ATXN2: variants seen among roughly 807,000 people sequenced by gnomAD.
ATXN2 encodes the protein ataxin-2.
Under a neutral mutation model 138.6 loss-of-function variants are expected in ATXN2, and 37 were observed. That is an observed-to-expected ratio of 0.27 (90% CI 0.21 to 0.35). The LOEUF (loss-of-function observed/expected upper bound fraction) is 0.35. ATXN2 is among the 10% of genes least tolerant of loss of function. ATXN2 has a pLI of 1.00. For synonymous variants in ATXN2, 549 were observed against 543.7 expected (o/e 1.01, Z -0.13); for missense variants, 1,216 against 1,480.3 (o/e 0.82, Z 2.93).
intron 1 of ATXN2, among the ~76,000 whole-genome samples, chr12:111,568,784 G>C (rs1883158506): frequency 6.6e-6 from 1 of 152,132 alleles, no homozygotes; most frequent in Non-Finnish European, 1.5e-5. Context: ...CTAAAATCTA[G>C]AAATCAAGTT....
intron 14 of ATXN2, among the ~76,000 whole-genome samples, chr12:111,501,986 G>T (rs966331969): frequency 6.6e-6 from 1 of 151,896 alleles, no homozygotes; most frequent in African/African-American, 2.4e-5. Flanking sequence ...CCATCTCCCA[G>T]GCTCAAGTGA....
At chr12:111,538,112 A>G (rs1881294347) in intron 5 of ATXN2, among the ~76,000 whole-genome samples, 1 of 152,100 alleles carries the variant, frequency 6.6e-6, no homozygotes, top group Non-Finnish European at 1.5e-5. Context: ...GAAGAAAAAA[A>G]AAAACCTAAT....
At chr12:111,521,433 T>C (rs1202286682) in intron 6 of ATXN2, among the ~76,000 whole-genome samples, 1 of 152,166 alleles carries the variant, frequency 6.6e-6, no homozygotes, top group East Asian at 1.9e-4. Context: ...ATACTTCCAA[T>C]GTTTGGGAGA....
At chr12:111,532,054 T>C (rs1384436864) in intron 5 of ATXN2, among the ~76,000 whole-genome samples, 1 of 152,156 alleles carries the variant, frequency 6.6e-6, no homozygotes, top group Admixed American at 6.5e-5. Context: ...GTGATGAACA[T>C]ACATAATAAT....
intron 14 of ATXN2, among the ~76,000 whole-genome samples, chr12:111,506,234 C>A (rs572966826): frequency 7.9e-5 from 12 of 152,254 alleles, no homozygotes; most frequent in Non-Finnish European, 1.8e-4. Context: ...TGTGGAACGA[C>A]TGCTAAACTG....
chr12:111,466,704 G>A (rs1876051539), intron 20 of ATXN2, among the ~76,000 whole-genome samples: 1 of 152,084 alleles, frequency 6.6e-6, no homozygotes, highest in Admixed American at 6.5e-5. Flanking sequence ...GTCATTAGTG[G>A]TCCTATGTTT....
At chr12:111,471,453 C>T (rs1456445668) in intron 18 of ATXN2, 2 of 152,272 alleles carry the variant, frequency 1.3e-5, no homozygotes, top group African/African-American at 4.8e-5. Context: ...TCTTTCCTCA[C>T]ACATTTCTTA....
At chr12:111,536,042 T>C (rs1002468065) in intron 5 of ATXN2, among the ~76,000 whole-genome samples, 3 of 149,306 alleles carry the variant, frequency 2.0e-5, no homozygotes, top group African/African-American at 7.4e-5. Flanking sequence ...AGAGATAAGG[T>C]TGAAAAAGAG....
chr12:111,523,062 C>T, intron 6 of ATXN2, among the ~76,000 whole-genome samples: 1 of 151,626 alleles, frequency 6.6e-6, no homozygotes, highest in South Asian at 2.1e-4. Context: ...AGGTGGATCA[C>T]GAGTTCAGGA....
At chr12:111,558,952 T>TAA (rs11439568) in intron 1 of ATXN2, among the ~76,000 whole-genome samples, 14,424 of 141,318 alleles carry the variant, frequency 0.1, 2,367 homozygotes, top group African/African-American at 0.34. Flanking sequence ...CAATTTCCCT[T>TAA]AAAAAAAAAA....
intron 15 of ATXN2, 60 bp downstream of exon 15, chr12:111,488,416 C>A (rs1877780777): frequency 6.6e-7 from 1 of 1,513,850 alleles, no homozygotes; most frequent in East Asian, 2.3e-5. Context: ...GACCTAAATG[C>A]CTTTAAAAAA....
chr12:111,550,188 G>A (rs1214480523), intron 5 of ATXN2, among the ~76,000 whole-genome samples: 2 of 152,068 alleles, frequency 1.3e-5, no homozygotes, highest in East Asian at 1.9e-4. Flanking sequence ...CCCCTTATGA[G>A]TAGAGTGAGA....
At chr12:111,526,445 C>T (rs1880512965) in intron 5 of ATXN2, among the ~76,000 whole-genome samples, 1 of 151,026 alleles carries the variant, frequency 6.6e-6, no homozygotes, top group South Asian at 2.1e-4. Context: ...TGCTCTTTCA[C>T]CCAGACCGGA....
At chr12:111,548,935 C>T (rs596831) in intron 5 of ATXN2, among the ~76,000 whole-genome samples, 13 of 151,914 alleles carry the variant, frequency 8.6e-5, no homozygotes, top group African/African-American at 3.1e-4. Context: ...GTTGGCCAGG[C>T]TGGTCTCGAA....
chr12:111,508,885 T>G (rs1186965715), intron 14 of ATXN2, among the ~76,000 whole-genome samples: 1 of 152,236 alleles, frequency 6.6e-6, no homozygotes, highest in Non-Finnish European at 1.5e-5. Context: ...TTTAGAAAGC[T>G]AAAACACAGG....
At chr12:111,506,492 G>A (rs1879119023) in intron 14 of ATXN2, among the ~76,000 whole-genome samples, 2 of 152,084 alleles carry the variant, frequency 1.3e-5, no homozygotes, top group African/African-American at 4.8e-5. Flanking sequence ...AAGTAGAAAT[G>A]TTTTTTCTTC....
chr12:111,504,976 C>A (rs1879012835), intron 14 of ATXN2, among the ~76,000 whole-genome samples: 1 of 152,146 alleles, frequency 6.6e-6, no homozygotes, highest in Non-Finnish European at 1.5e-5. Context: ...AGCAATTTTT[C>A]ACTTTGGGAG....
chr12:111,470,593 G>A lies in ATXN2; in HGVS notation c.2674C>T (p.Pro892Ser). The A allele has an allele frequency of 6.2e-7, 1 of 1,614,156 alleles. No homozygotes were observed. ...AYSPQQFPNQ[P>S]LVQHVPHYQS... ...TAATGTGGCACATGCTGAACAAGGG[G>A]CTGATTTGGGAACTGCTGAGGACTG... The change falls in exon 19 of 25, where the codon CCC (proline) becomes TCC (serine). Residue 892 changes from proline to serine, a missense_variant. By Grantham distance (74) the Pro-to-Ser change is moderately conservative. This residue lies in a region of ATXN2 where 490 missense variants were observed against 653.5 expected (regional missense o/e 0.75). Transcript: ENST00000673436.
At chr12:111,506,325 A>C (rs536723990) in intron 14 of ATXN2, among the ~76,000 whole-genome samples, 10 of 152,202 alleles carry the variant, frequency 6.6e-5, no homozygotes, top group Non-Finnish European at 1.5e-4. Flanking sequence ...TGAATATTTT[A>C]AAAACCACTG....
Sources: gnomAD v4.1 joint callset for allele counts (sites outside exome capture counted in the v4.1 genomes callset) on GRCh38, gnomAD v4.1.1 for gene constraint, gnomAD v4.1.1 regional missense constraint, MANE v1.5 for transcripts, NCBI Gene and HGNC (gene_info 2026-07-23, HGNC 2026-07-21) for gene names.